Variants in DNAH17 observed in about 807,000 individuals in gnomAD.
DNAH17 encodes dynein axonemal heavy chain 17.
In DNAH17, 376 loss-of-function variants were observed where a neutral mutation model predicts 485.6. The ratio of observed to expected loss-of-function variants is 0.77; its 90% confidence interval spans 0.71 to 0.84. DNAH17 has a LOEUF of 0.84. DNAH17 is among the 40% of genes least tolerant of loss of function. The probability of loss-of-function intolerance (pLI) is 0.00; values close to 1 mark genes in which losing one functional copy is unlikely to be tolerated. For missense variants in DNAH17, 6,370 were observed against 5,839.3 expected, an observed-to-expected ratio of 1.09 and a Z score of -2.96; for synonymous variants, 3,031 against 2,405.9, an observed-to-expected ratio of 1.26 and a Z score of -7.60.
At position 78,525,093 on chromosome 17, in the gene DNAH17, C is replaced by G; in HGVS notation, c.3780G>C (p.Glu1260Asp). ...EALSKSGGLFEVPVPDYKQLK... is the reference protein window; with the variant it reads ...EALSKSGGLFDVPVPDYKQLK... ...GCTGCTTGTAGTCTGGGACGGGGAC[C>G]TCGAACAGGCCCCCGGACTTGGACA... Residue 1260 changes from glutamate to aspartate, a missense_variant, in exon 25 of 81, where the codon GAG becomes GAC. Transcript: ENST00000389840. 2 of 1,613,848 alleles carry G rather than the reference C, an allele frequency of 1.2e-6. No individual in the cohort carries two copies. Among genetic ancestry groups the G allele is most frequent in the Non-Finnish European group, 1.7e-6 (2 of 1,179,880 alleles).
rs2089656060 is a variant in DNAH17, at chr17:78,487,328, G to A, written c.6819-822C>T. On this transcript the variant is annotated intron_variant, in intron 44 of 80. Coordinates refer to ENST00000389840, the MANE Select transcript of DNAH17 (RefSeq NM_173628.4). ...GACTACATGGGCTGATATTTTTAAA[G>A]CTCAGAGAAGGGGGCCTGGTCCAGG... Among the ~76,000 whole-genome samples, 4 of 152,298 alleles carry A rather than the reference G, an allele frequency of 2.6e-5. No individual in the cohort carries two copies. The South Asian group carries it at 8.3e-4, about 32-fold the overall frequency.
Position 78,561,963 on chromosome 17 carries a change from C to G in DNAH17, c.1587G>C (p.Gly529=). Residue 529 remains glycine (G), a synonymous_variant, in exon 12 of 81, where the codon GGG becomes GGC. Transcript: ENST00000389840. ...GAATCAGGGGCCGCTCCATGAGGCC[C>G]CCACACATGTACAGGAGCTGAGGAC... ...KSSAKLLYMC[G]GLMERPLILA... 6.2e-7 allele frequency: 1 copy of G among 1,607,586 alleles called. No individual in the cohort carries two copies. Among genetic ancestry groups the G allele is most frequent in the Non-Finnish European group, 8.5e-7 (1 of 1,177,086 alleles).
intron 13 of DNAH17, 32 bp downstream of exon 13, chr17:78,560,708 C>G: frequency 1.3e-6 from 2 of 1,522,042 alleles, no homozygotes; most frequent in Admixed American, 2.0e-5. Flanking sequence ...TCCCAAGGAG[C>G]CTTTGACGCG....
chr17:78,576,422 C>G (rs970466836), intron 1 of DNAH17, among the ~76,000 whole-genome samples: 1 of 152,076 alleles, frequency 6.6e-6, no homozygotes, highest in African/African-American at 2.4e-5. Context: ...TGGCGGTCCA[C>G]GAGCAAAGCC....
chr17:78,475,615 G>C, intron 53 of DNAH17, 54 bp downstream of exon 53: 1 of 1,606,598 alleles, frequency 6.2e-7, no homozygotes, highest in Non-Finnish European at 8.5e-7. Context: ...TGCAACCGGA[G>C]AGGGTGACCC....
intron 19 of DNAH17, among the ~76,000 whole-genome samples, chr17:78,535,852 G>A (rs2091360053): frequency 6.6e-6 from 1 of 152,236 alleles, no homozygotes. Flanking sequence ...CAGAATCTGG[G>A]TTTGGGCCAG....
chr17:78,452,261 T>G (rs1254947658), intron 65 of DNAH17, among the ~76,000 whole-genome samples: 1 of 152,146 alleles, frequency 6.6e-6, no homozygotes, highest in Non-Finnish European at 1.5e-5. Flanking sequence ...TCCTGTCAGC[T>G]CTGACATTTA....
Position 78,512,940 on chromosome 17 carries a change from C to CAAAA in DNAH17, c.4113+1830_4113+1833dup, listed in dbSNP as rs57734613. Among the ~76,000 whole-genome samples, 28 of 83,278 alleles carry CAAAA rather than the reference C, an allele frequency of 3.4e-4. 2 individuals carry two copies. Among genetic ancestry groups the CAAAA allele is most frequent in the African/African-American group, 9.8e-4 (19 of 19,438 alleles). 54.6% of individuals were successfully genotyped at this position (83,278 alleles called of 152,430 possible). On this transcript the variant is annotated intron_variant, in intron 26 of 80. Transcript: ENST00000389840. Reference sequence around the variant, plus strand: ...TGGGCAACAGAGAGAGACTCTAACTCAAAAAAAAAAAAAAAAAAAAAAAAG... The same window carrying CAAAA: ...TGGGCAACAGAGAGAGACTCTAACTCAAAAAAAAAAAAAAAAAAAAAAAAAAAAG...
intron 43 of DNAH17, 83 bp from the exon 44 acceptor site, chr17:78,490,930 C>A (rs769905014): frequency 8.3e-6 from 12 of 1,444,182 alleles, no homozygotes; most frequent in Non-Finnish European, 1.1e-5. Flanking sequence ...TTACTCGGAG[C>A]AAACCTCCGA....
chr17:78,559,055 T>C (rs1195914986), intron 13 of DNAH17, among the ~76,000 whole-genome samples: 1 of 152,186 alleles, frequency 6.6e-6, no homozygotes, highest in Admixed American at 6.5e-5. Context: ...ACAGACCTTG[T>C]TCCTTCTCAA....
At chr17:78,490,992 GTCCCTT>G in intron 43 of DNAH17, 145 bp from the exon 44 acceptor site, 2 of 1,069,472 alleles carry the variant, frequency 1.9e-6, no homozygotes, top group Non-Finnish European at 2.6e-6. Flanking sequence ...CACAGCCCTA[GTCCCTT>G]GGCCCAGGGC....
chr17:78,452,064 G>A (rs2087577550), intron 65 of DNAH17, among the ~76,000 whole-genome samples: 1 of 149,958 alleles, frequency 6.7e-6, no homozygotes, highest in African/African-American at 2.5e-5. Context: ...ACTGTGGGGG[G>A]CGCTTCTCTC....
intron 59 of DNAH17, 51 bp downstream of exon 59, chr17:78,460,111 G>A: frequency 6.3e-7 from 1 of 1,579,346 alleles, no homozygotes; most frequent in Non-Finnish European, 8.6e-7. Context: ...AGCGAAGGCA[G>A]CTTCCTCTCC....
intron 16 of DNAH17, among the ~76,000 whole-genome samples, chr17:78,550,234 G>C (rs1032718336): frequency 3.9e-5 from 6 of 152,248 alleles, no homozygotes; most frequent in Non-Finnish European, 8.8e-5. Context: ...GGAGGCACAC[G>C]TCTGGACACT....
In DNAH17 at chr17:78,495,970, G is replaced by A. The variant is rs1262438733; in HGVS notation, c.5808C>T (p.Ile1936=). The A allele has an allele frequency of 2.5e-6, 4 of 1,613,964 alleles. No homozygotes were observed. The highest frequency in any genetic ancestry group is 1.3e-5 in the African/African-American group (1 of 75,046). ...TACCGACGGTGGGAATGAGGCCTAT[G>A]ATCTCTCCCAGGAAATTGAATGCTT... ...KKKAFNFLGE[I]IGLIPTVGIF... The change falls in exon 38 of 81, where the codon ATC becomes ATT. Residue 1936 remains isoleucine, a synonymous_variant. Transcript: ENST00000389840.
intron 56 of DNAH17, among the ~76,000 whole-genome samples, chr17:78,466,274 C>T (rs2088447901): frequency 6.6e-6 from 1 of 152,098 alleles, no homozygotes; most frequent in Admixed American, 6.5e-5. Context: ...ATCTCAAGTA[C>T]CCAGGGACAC....
intron 16 of DNAH17, among the ~76,000 whole-genome samples, chr17:78,545,596 T>C (rs561873994): frequency 6.6e-6 from 1 of 152,254 alleles, no homozygotes; most frequent in Non-Finnish European, 1.5e-5. Context: ...ATGTTCTGAT[T>C]GCCTCCCCAG....
chr17:78,456,229 G>A (rs759609794), intron 62 of DNAH17, among the ~76,000 whole-genome samples: 13 of 152,192 alleles, frequency 8.5e-5, no homozygotes, highest in African/African-American at 1.2e-4. Context: ...AACCCGGGAG[G>A]CGGAGGTTGC....
intron 16 of DNAH17, 73 bp downstream of exon 16, chr17:78,551,462 A>G (rs2091899778): frequency 1.1e-5 from 15 of 1,411,342 alleles, no homozygotes; most frequent in South Asian, 2.4e-5. Flanking sequence ...ATGGGCCTCT[A>G]CGTAGCCTGG....
Sources: gnomAD v4.1 joint callset for allele counts (sites outside exome capture counted in the v4.1 genomes callset) on GRCh38, gnomAD v4.1.1 for gene constraint, MANE v1.5 for transcripts, NCBI Gene and HGNC (gene_info 2026-07-23, HGNC 2026-07-21) for gene names.